GBP1: variants seen among roughly 807,000 people sequenced by gnomAD.
GBP1 encodes guanylate binding protein 1, also known as guanylate-binding protein 1.
In GBP1, 64 loss-of-function variants were observed where a neutral mutation model predicts 69.5. That is an observed-to-expected ratio of 0.92 (90% CI 0.75 to 1.13). The LOEUF (loss-of-function observed/expected upper bound fraction) is 1.13, where lower values mean the gene tolerates loss of function less well. Ranked by LOEUF, GBP1 falls within the 50% of genes most tolerant of loss-of-function variation. The probability of loss-of-function intolerance (pLI) is 0.00; values close to 1 mark genes in which losing one functional copy is unlikely to be tolerated. For synonymous variants in GBP1, 250 were observed against 261.2 expected (o/e 0.96, Z 0.41); for missense variants, 630 against 704.1 (o/e 0.89, Z 1.19).
chr1:89,061,226 A>C (rs1388512648), intron 2 of GBP1, among the ~76,000 whole-genome samples: 2 of 152,220 alleles, frequency 1.3e-5, no homozygotes, highest in Non-Finnish European at 2.9e-5. Flanking sequence ...CCTAATTATA[A>C]AAATAAAAAG....
intron 3 of GBP1, 87 bp from the exon 4 acceptor site, chr1:89,059,513 G>A (rs1310378192): frequency 4.1e-6 from 4 of 970,894 alleles, no homozygotes; most frequent in African/African-American, 1.7e-5. Flanking sequence ...ATGTTCATAT[G>A]TTAGAGGGTT....
At position 89,056,007 on chromosome 1, in the gene GBP1, C is replaced by T. The variant is rs779956812; in HGVS notation, c.1368+9G>A. Reference sequence around the variant, plus strand: ...AGCTTTCCATAATTGACAGATAAATCTTGGTTACCTGTATCCCCTTCCTCG... The same window carrying T: ...AGCTTTCCATAATTGACAGATAAATTTTGGTTACCTGTATCCCCTTCCTCG... On this transcript the variant is annotated intron_variant, in intron 8 of 10. Transcript: ENST00000370473. The T allele has an allele frequency of 8.7e-5, 140 of 1,613,752 alleles. No homozygotes were observed. The highest frequency in any genetic ancestry group is 1.1e-4 in the Non-Finnish European group (133 of 1,179,796).
chr1:89,061,357 A>T (rs1251282055), intron 2 of GBP1, among the ~76,000 whole-genome samples: 2 of 152,186 alleles, frequency 1.3e-5, no homozygotes, highest in Non-Finnish European at 2.9e-5. Context: ...CCCATGAATA[A>T]ACTCTGATAT....
chr1:89,056,236 G>A lies in GBP1; in HGVS notation c.1156-8C>T, dbSNP rs891247027. ...CTTTTTTTCTAGCTGGGCCTTTAAT[G>A]TAAAAATAGGAAGTAAAAAGAGTAA... On this transcript the variant is annotated splice_polypyrimidine_tract_variant and splice_region_variant and intron_variant, in intron 7 of 10. Transcript: ENST00000370473. 33 of 1,613,778 alleles carry A rather than the reference G, an allele frequency of 2.0e-5. No homozygotes were observed. In the Admixed American group the frequency reaches 5.3e-4, roughly 26 times the overall value.
rs1427761700 is a variant in GBP1, at chr1:89,063,222, T to G, written c.13A>C (p.Ile5Leu). ...AGGCACATTGGGCCTGTCATGTGGA[T>G]CTCTGATGCCATGTCCAGGCTGTTC... MASE[I>L]HMTGPMCLIE... Residue 5 changes from isoleucine (I) to leucine (L), a missense_variant, in exon 2 of 11, where the codon ATC becomes CTC. Physicochemically the swap from Ile to Leu is conservative, Grantham distance 5. This residue lies in a region of GBP1 where 131 missense variants were observed against 138.5 expected (regional missense o/e 0.95). Transcript: ENST00000370473. 2.5e-6 allele frequency: 4 copies of G among 1,614,010 alleles called. No homozygotes were observed. Among genetic ancestry groups the G allele is most frequent in the East Asian group, 2.2e-5 (1 of 44,880 alleles).
chr1:89,053,419 A>G lies in GBP1; in HGVS notation c.1715T>C (p.Met572Thr), dbSNP rs1679967215. ...CTGGAGATCCTGTATCTCATTTTTC[A>G]TTATTCTGCTTTCTTTTTGAAATCC... Reference protein sequence around the residue: ...KEGFQKESRIMKNEIQDLQTK... With the variant: ...KEGFQKESRITKNEIQDLQTK... The change falls in exon 11 of 11, where the codon ATG becomes ACG. Residue 572 changes from methionine to threonine, a missense_variant. Physicochemically the swap from Met to Thr is moderately conservative, Grantham distance 81. This residue lies in a region of GBP1 where 71 missense variants were observed against 72.7 expected (regional missense o/e 0.98). Transcript: ENST00000370473. 1 of 1,613,494 alleles carries G rather than the reference A, an allele frequency of 6.2e-7. No individual in the cohort carries two copies. The highest frequency in any genetic ancestry group is 1.7e-5 in the Admixed American group (1 of 59,962).
intron 3 of GBP1, 148 bp from the exon 4 acceptor site, chr1:89,059,574 A>T: frequency 1.3e-6 from 1 of 786,422 alleles, no homozygotes; most frequent in Non-Finnish European, 1.9e-6. Context: ...GACCTATTAA[A>T]GGAAGACAAA....
chr1:89,061,005 G>A (rs1489230004), intron 2 of GBP1, among the ~76,000 whole-genome samples: 1 of 152,204 alleles, frequency 6.6e-6, no homozygotes, highest in African/African-American at 2.4e-5. Context: ...CTTGTAGAGT[G>A]AAAACTTCAA....
chr1:89,057,251 C>T, intron 6 of GBP1, 117 bp from the exon 7 acceptor site: 1 of 1,375,842 alleles, frequency 7.3e-7, no homozygotes, highest in Non-Finnish European at 9.9e-7. Context: ...TCCTCAGCAT[C>T]ACTTGGAAGC....
At position 89,056,855 on chromosome 1, in the gene GBP1, G is replaced by A. The variant is rs147875713; in HGVS notation, c.1154C>T (p.Ala385Val). Residue 385 changes from alanine to valine, a missense_variant and splice_region_variant, in exon 7 of 11, where the codon GCG (alanine) becomes GTG (valine). Coordinates refer to ENST00000370473, the MANE Select transcript of GBP1 (RefSeq NM_002053.3). ...DVDHLFQKEL[A>V]AQLEKKRDDF... The stretch of plus-strand genomic sequence containing the variant: ...GTATACATTTGAGACAAAAATTACC[G>A]CTAACTCCTTTTGAAATAGATGGTC... 15 of 1,613,506 alleles carry A rather than the reference G, an allele frequency of 9.3e-6. No individual in the cohort carries two copies. In the African/African-American group the frequency reaches 9.3e-5, roughly 10 times the overall value.
rs772557915 is a variant in GBP1 at position 89,054,621 on chromosome 1, G to T, written c.1665+61C>A. 6.2e-6 allele frequency: 9 copies of T among 1,463,360 alleles called. No individual in the cohort carries two copies. In the Admixed American group the frequency reaches 1.6e-4, roughly 27 times the overall value. 90.6% of individuals were successfully genotyped at this position (1,463,360 alleles called of 1,614,324 possible). On this transcript the variant is annotated intron_variant, in intron 10 of 10. Transcript: ENST00000370473. ...GTTCTCTCTGCCACACTAAGTTTGC[G>T]ATCAGGGAGAATGGAGAGAAAACAG...
chr1:89,055,035 G>T, intron 9 of GBP1, 78 bp downstream of exon 9: 1 of 1,467,010 alleles, frequency 6.8e-7, no homozygotes, highest in Non-Finnish European at 9.3e-7. Flanking sequence ...CTAGTTAAAG[G>T]GTCCCATGTT....
At position 89,059,046 on chromosome 1, in the gene GBP1, G is replaced by A; in HGVS notation, c.429-3C>T. ...TATGTGTCAGCTCTGTCACATAGCT[G>A]AGTAGCTAACTAAGGAAATGTGACA... On this transcript the variant is annotated splice_region_variant and splice_polypyrimidine_tract_variant and intron_variant, in intron 4 of 10. Transcript: ENST00000370473. 6.2e-7 allele frequency: 1 copy of A among 1,614,104 alleles called. No homozygotes were observed. The highest frequency in any genetic ancestry group is 8.5e-7 in the Non-Finnish European group (1 of 1,179,996).
At chr1:89,057,842 A>T (rs1223721237) in intron 6 of GBP1, 150 bp downstream of exon 6, 16 of 935,096 alleles carry the variant, frequency 1.7e-5, no homozygotes, top group African/African-American at 3.3e-5. Context: ...AAATGTGACT[A>T]ACAATATATG....
At chr1:89,063,303 A>AT (rs1305267686) in intron 1 of GBP1, 50 bp from the exon 2 acceptor site, 13 of 1,531,136 alleles carry the variant, frequency 8.5e-6, no homozygotes, top group Non-Finnish European at 7.1e-6. Context: ...TTTTGCAATT[A>AT]TAAGGGAGAA....
At chr1:89,059,914 A>C (rs1680140279) in intron 3 of GBP1, among the ~76,000 whole-genome samples, 2 of 152,236 alleles carry the variant, frequency 1.3e-5, no homozygotes, top group South Asian at 4.1e-4. Flanking sequence ...CATTTTAAAG[A>C]TTAGAATGCT....
Position 89,062,260 on chromosome 1 carries a change from T to A in GBP1, c.190+785A>T, listed in dbSNP as rs566523393. Among the ~76,000 whole-genome samples the A allele has an allele frequency of 2.4e-4, 36 of 152,282 alleles. 1 individual carries two copies. In the South Asian group the frequency reaches 7.2e-3, roughly 31 times the overall value. Reference sequence around the variant, plus strand: ...TATAATAGACAAAAGGTGGAAGAAATCCAAGTGTCCATTGACAGATGAAGA... The same window carrying A: ...TATAATAGACAAAAGGTGGAAGAAAACCAAGTGTCCATTGACAGATGAAGA... On this transcript the variant is annotated intron_variant, in intron 2 of 10. Coordinates refer to ENST00000370473, the MANE Select transcript of GBP1 (RefSeq NM_002053.3).
rs1040568216 is a variant in GBP1, at chr1:89,053,698, T to C, written c.1666-230A>G. Among the ~76,000 whole-genome samples, 3 of 152,204 alleles carry C rather than the reference T, an allele frequency of 2.0e-5. No individual in the cohort carries two copies. In the East Asian group the frequency reaches 5.8e-4, roughly 29 times the overall value. ...AGTATCCTCAAAATCTCATAAGGTG[T>C]ATGAATCATGGATTAGGAAATTTGG... On this transcript the variant is annotated intron_variant, in intron 10 of 10. Coordinates refer to ENST00000370473, the MANE Select transcript of GBP1 (RefSeq NM_002053.3).
Position 89,057,127 on chromosome 1 carries a change from C to G in GBP1, c.882G>C (p.Glu294Asp), listed in dbSNP as rs749313065. 1 of 1,614,196 alleles carries G rather than the reference C, an allele frequency of 6.2e-7. No individual in the cohort carries two copies. The highest frequency in any genetic ancestry group is 1.1e-5 in the South Asian group (1 of 91,086). Residue 294 changes from glutamate to aspartate, a missense_variant, in exon 7 of 11, where the codon GAG (glutamate) becomes GAC (aspartate). Around this residue, in one of 5 missense-constraint regions of GBP1, gnomAD observed 367 missense variants for 369.5 expected, o/e 0.99. Transcript: ENST00000370473. ...GGIQVNGPRL[E>D]SLVLTYVNAI... ...CATTGACGTAGGTCAGCACCAGGCT[C>G]TCTAGACCTGCATATGAAGAACAAA...
Sources: allele counts gnomAD v4.1 joint callset (sites outside exome capture counted in the v4.1 genomes callset), GRCh38; gene constraint gnomAD v4.1.1; regional missense constraint gnomAD v4.1.1; transcripts MANE v1.5; gene names NCBI Gene and HGNC (gene_info 2026-07-23, HGNC 2026-07-21).